The following TANGO6 variants were observed in gnomAD, a reference collection of about 807,000 sequenced individuals.
TANGO6 encodes the protein transport and golgi organization 6 homolog.
A neutral mutation model predicts 114.2 loss-of-function variants in TANGO6; 90 were observed. The observed-to-expected ratio is 0.79, with a 90% CI of 0.66 to 0.94. The LOEUF is 0.94. Ranked by LOEUF, TANGO6 falls within the 40% of genes least tolerant of loss-of-function variation. The pLI is 0.00. For synonymous variants in TANGO6, 477 were observed against 509.8 expected, an observed-to-expected ratio of 0.94 and a Z score of 0.87; for missense variants, 1,274 against 1,315.3, an observed-to-expected ratio of 0.97 and a Z score of 0.49.
intron 15 of TANGO6, among the ~76,000 whole-genome samples, chr16:68,978,232 A>G (rs1001337016): frequency 6.6e-6 from 1 of 152,192 alleles, no homozygotes; most frequent in African/African-American, 2.4e-5. Context: ...GGGATGATAA[A>G]CACTAAAAGT....
intron 4 of TANGO6, among the ~76,000 whole-genome samples, chr16:68,871,796 T>C (rs1349750874): frequency 2.0e-5 from 3 of 152,162 alleles, no homozygotes; most frequent in Non-Finnish European, 2.9e-5. Flanking sequence ...ATTTTTGTAT[T>C]TTTAGTAGGG....
At chr16:68,860,792 G>A (rs913097349) in intron 2 of TANGO6, among the ~76,000 whole-genome samples, 1 of 152,080 alleles carries the variant, frequency 6.6e-6, no homozygotes, top group African/African-American at 2.4e-5. Flanking sequence ...TTGAGCCTCT[G>A]TTTCTTCTTC....
chr16:68,851,733 A>G (rs1961906300), intron 1 of TANGO6, among the ~76,000 whole-genome samples: 1 of 152,226 alleles, frequency 6.6e-6, no homozygotes, highest in Admixed American at 6.5e-5. Context: ...ATTTTGCTAG[A>G]TATTGCCAAA....
chr16:68,908,988 A>G (rs1191372589), intron 10 of TANGO6, among the ~76,000 whole-genome samples: 1 of 152,238 alleles, frequency 6.6e-6, no homozygotes, highest in African/African-American at 2.4e-5. Context: ...TATAAATCTA[A>G]TTCATTTATT....
At chr16:68,934,277 T>G (rs1258796940) in intron 14 of TANGO6, among the ~76,000 whole-genome samples, 1 of 152,056 alleles carries the variant, frequency 6.6e-6, no homozygotes, top group African/African-American at 2.4e-5. Context: ...ACTCCTAGAC[T>G]TAAGCAATCC....
intron 14 of TANGO6, among the ~76,000 whole-genome samples, chr16:68,932,768 C>T (rs1478343715): frequency 6.6e-6 from 1 of 150,850 alleles, no homozygotes; most frequent in Non-Finnish European, 1.5e-5. Flanking sequence ...CCAGCTTGGG[C>T]AACAGAGTGA....
At chr16:68,951,489 C>T (rs142097149) in intron 14 of TANGO6, among the ~76,000 whole-genome samples, 69 of 152,240 alleles carry the variant, frequency 4.5e-4, no homozygotes, top group Middle Eastern at 6.8e-3. Flanking sequence ...AACTGCTTGG[C>T]CAACCAGTAT....
intron 17 of TANGO6, among the ~76,000 whole-genome samples, chr16:69,066,756 G>A (rs1348337423): frequency 6.6e-6 from 1 of 152,084 alleles, no homozygotes; most frequent in African/African-American, 2.4e-5. Flanking sequence ...TAAGGTAGGT[G>A]GTTATATGTG....
At chr16:68,886,715 T>A (rs1962544013) in intron 7 of TANGO6, among the ~76,000 whole-genome samples, 1 of 152,124 alleles carries the variant, frequency 6.6e-6, no homozygotes, top group Non-Finnish European at 1.5e-5. Flanking sequence ...TTCACCATGT[T>A]GACCAGGCTG....
chr16:68,983,560 T>C (rs972253894), intron 15 of TANGO6, among the ~76,000 whole-genome samples: 4 of 151,978 alleles, frequency 2.6e-5, no homozygotes, highest in Admixed American at 6.6e-5. Context: ...ACAAATTGCA[T>C]TGGTAAGAAG....
intron 15 of TANGO6, among the ~76,000 whole-genome samples, chr16:69,001,495 A>T (rs988521809): frequency 1.3e-5 from 2 of 152,192 alleles, no homozygotes; most frequent in Non-Finnish European, 2.9e-5. Flanking sequence ...TCTTTTATAT[A>T]AACATCACAC....
intron 15 of TANGO6, among the ~76,000 whole-genome samples, chr16:69,022,482 T>G (rs1959424806): frequency 6.6e-6 from 1 of 152,140 alleles, no homozygotes; most frequent in African/African-American, 2.4e-5. Context: ...GGCAGATGGA[T>G]AGCTTGAGCC....
chr16:68,994,157 A>G (rs1017445942), intron 15 of TANGO6, among the ~76,000 whole-genome samples: 2 of 152,218 alleles, frequency 1.3e-5, no homozygotes, highest in Non-Finnish European at 2.9e-5. Context: ...CAAATTGTCT[A>G]TGTTTCTGTG....
intron 15 of TANGO6, among the ~76,000 whole-genome samples, chr16:68,998,102 C>G (rs936115214): frequency 3.3e-5 from 5 of 152,154 alleles, no homozygotes; most frequent in African/African-American, 1.2e-4. Context: ...ATATATTCCA[C>G]AGTAGTAAAG....
chr16:69,018,901 C>T (rs1481500650), intron 15 of TANGO6, among the ~76,000 whole-genome samples: 1 of 152,088 alleles, frequency 6.6e-6, no homozygotes, highest in African/African-American at 2.4e-5. Flanking sequence ...CAGAGTGAGA[C>T]TCCGTCTCAA....
intron 9 of TANGO6, among the ~76,000 whole-genome samples, 166 bp downstream of exon 9, chr16:68,902,670 C>G (rs1229277379): frequency 6.6e-6 from 1 of 152,166 alleles, no homozygotes; most frequent in African/African-American, 2.4e-5. Flanking sequence ...CTTAAATAAT[C>G]CTCCAGGTTT....
At chr16:68,969,916 T>A (rs576148326) in intron 14 of TANGO6, among the ~76,000 whole-genome samples, 37 of 152,260 alleles carry the variant, frequency 2.4e-4, no homozygotes, top group African/African-American at 8.9e-4. Context: ...TCCCTCTGTG[T>A]TGGTGTCATT....
Position 69,083,699 on chromosome 16 carries a change from A to C in TANGO6, c.*38A>C, listed in dbSNP as rs1310518812. On this transcript the variant is annotated 3_prime_UTR_variant, in exon 18 of 18. Coordinates refer to ENST00000261778, the MANE Select transcript of TANGO6 (RefSeq NM_024562.2). ...GGACGTGGAGGAGGCAGGCAGGGCC[A>C]GGCACCCAGAGCCGTGCCCAGGTCT... 6.5e-7 allele frequency: 1 copy of C among 1,540,114 alleles called. No individual in the cohort carries two copies. Among genetic ancestry groups the C allele is most frequent in the African/African-American group, 1.4e-5 (1 of 73,022 alleles).
intron 3 of TANGO6, among the ~76,000 whole-genome samples, chr16:68,865,341 G>C (rs903458216): frequency 1.3e-5 from 2 of 151,830 alleles, no homozygotes; most frequent in African/African-American, 4.8e-5. Context: ...CAAAATAAGG[G>C]CTAGAACATT....
Sources: gnomAD v4.1 joint callset for allele counts (sites outside exome capture counted in the v4.1 genomes callset) on GRCh38, gnomAD v4.1.1 for gene constraint, MANE v1.5 for transcripts, NCBI Gene and HGNC (gene_info 2026-07-23, HGNC 2026-07-21) for gene names.